ZFHX3: variants seen among roughly 807,000 people sequenced by gnomAD.
ZFHX3 encodes the protein zinc finger homeobox 3, also known as zinc finger homeobox protein 3.
Under a neutral mutation model 279.1 loss-of-function variants are expected in ZFHX3, and 42 were observed. The ratio of observed to expected loss-of-function variants is 0.15; its 90% CI spans 0.12 to 0.19. ZFHX3 has a LOEUF of 0.19. Among genes scored for constraint, ZFHX3 ranks in the 10% least tolerant of loss-of-function variants. The pLI is 1.00. For missense variants in ZFHX3, 4,981 were observed against 4,754.0 expected, an observed-to-expected ratio of 1.05 and a Z score of -1.40; for synonymous variants, 2,293 against 1,957.8, an observed-to-expected ratio of 1.17 and a Z score of -4.52.
chr16:72,933,224 C>T (rs1271817356), intron 3 of ZFHX3, among the ~76,000 whole-genome samples: 1 of 152,244 alleles, frequency 6.6e-6, no homozygotes, highest in Non-Finnish European at 1.5e-5. Context: ...TATGTTACTA[C>T]CTCTAGTGAA....
intron 2 of ZFHX3, among the ~76,000 whole-genome samples, chr16:73,666,430 C>T (rs2052843119): frequency 2.0e-5 from 3 of 151,774 alleles, no homozygotes; most frequent in Non-Finnish European, 2.9e-5. Context: ...TTGGCCATCT[C>T]CACAAAAATA....
intron 2 of ZFHX3, among the ~76,000 whole-genome samples, chr16:73,628,447 G>C (rs1299568077): frequency 6.6e-6 from 1 of 152,154 alleles, no homozygotes; most frequent in Non-Finnish European, 1.5e-5. Flanking sequence ...TCCTAAATAA[G>C]ATTTCTTCAC....
intron 7 of ZFHX3, among the ~76,000 whole-genome samples, chr16:73,105,807 C>T (rs1029709415): frequency 1.3e-5 from 2 of 152,144 alleles, no homozygotes; most frequent in Admixed American, 6.6e-5. Flanking sequence ...AAACATTTCA[C>T]TGCAATGGCT....
Position 73,459,304 on chromosome 16 carries a change from C to T in ZFHX3, c.-1546-3046G>A, listed in dbSNP as rs528872639. On this transcript the variant is annotated intron_variant, in intron 2 of 17. Transcript: ENST00000641206. Reference sequence around the variant, plus strand: ...TCTGTATTAGTCCATTTTCATACTGCGATAAAGAACTGCCTGAGACTAGGT... The same window carrying T: ...TCTGTATTAGTCCATTTTCATACTGTGATAAAGAACTGCCTGAGACTAGGT... Among the ~76,000 whole-genome samples, 279 of 152,100 alleles carry T rather than the reference C, an allele frequency of 1.8e-3. 1 individual carries two copies. The highest frequency in any genetic ancestry group is 6.3e-3 in the African/African-American group (260 of 41,492).
At chr16:73,533,461 C>G (rs913967943) in intron 2 of ZFHX3, among the ~76,000 whole-genome samples, 2 of 150,850 alleles carry the variant, frequency 1.3e-5, no homozygotes, top group Non-Finnish European at 1.5e-5. Flanking sequence ...CTTGCATCAT[C>G]ACTAATTCTC....
At chr16:73,101,913 CTTT>C (rs34658877) in intron 7 of ZFHX3, among the ~76,000 whole-genome samples, 10 of 116,514 alleles carry the variant, frequency 8.6e-5, no homozygotes, top group Non-Finnish European at 5.1e-5. Flanking sequence ...ATTCTCACCT[CTTT>C]TTTTTTTTTT....
At chr16:73,531,257 A>G (rs9939568) in intron 2 of ZFHX3, among the ~76,000 whole-genome samples, 6,494 of 152,220 alleles carry the variant, frequency 0.043, 400 homozygotes, top group African/African-American at 0.14. Flanking sequence ...GTATGTCCAG[A>G]TGATTCTCTT....
intron 2 of ZFHX3, among the ~76,000 whole-genome samples, chr16:73,649,597 TTAA>T (rs2052652090): frequency 6.6e-6 from 1 of 152,226 alleles, no homozygotes; most frequent in South Asian, 2.1e-4. Flanking sequence ...TTAAAAAATT[TTAA>T]TAAACTCGTT....
chr16:73,421,099 T>G (rs906240223), intron 3 of ZFHX3: 1 of 152,228 alleles, frequency 6.6e-6, no homozygotes, highest in Non-Finnish European at 1.5e-5. Flanking sequence ...ACATGCCAGT[T>G]GATACCACAG....
intron 1 of ZFHX3, among the ~76,000 whole-genome samples, chr16:73,837,163 G>A (rs1217717656): frequency 6.6e-6 from 1 of 152,190 alleles, no homozygotes; most frequent in Non-Finnish European, 1.5e-5. Flanking sequence ...GTCTAGGAAT[G>A]ACAATGATGA....
chr16:73,461,295 T>C (rs2018466520), intron 2 of ZFHX3, among the ~76,000 whole-genome samples: 1 of 152,246 alleles, frequency 6.6e-6, no homozygotes, highest in South Asian at 2.1e-4. Context: ...TTATATAGTC[T>C]AAATACTAGT....
intron 5 of ZFHX3, among the ~76,000 whole-genome samples, chr16:73,198,727 C>T (rs958951815): frequency 1.9e-4 from 29 of 152,292 alleles, no homozygotes; most frequent in East Asian, 9.6e-4. Flanking sequence ...ATGTTGGAAG[C>T]GAAGGGCTTC....
chr16:72,796,721 G>A lies in ZFHX3; in HGVS notation c.5961C>T (p.Ser1987=). Residue 1987 remains serine, a synonymous_variant, in exon 9 of 10, where the codon TCC becomes TCT. Coordinates refer to ENST00000268489, the MANE Select transcript of ZFHX3 (RefSeq NM_006885.4). ...GENLEKLECD[S]CGKLFSNILI... is the part of the protein sequence containing the mutation. ...AGATGTTGGAAAACAACTTGCCGCA[G>A]GAGTCACACTCGAGCTTTTCCAGGT... The A allele has an allele frequency of 6.2e-7, 1 of 1,613,854 alleles. No individual in the cohort carries two copies. The highest frequency in any genetic ancestry group is 8.5e-7 in the Non-Finnish European group (1 of 1,179,982).
At chr16:73,388,919 C>T (rs1475769560) in intron 3 of ZFHX3, 1 of 152,224 alleles carries the variant, frequency 6.6e-6, no homozygotes, top group Admixed American at 6.5e-5. Flanking sequence ...CTTTACATCA[C>T]GACGACAGAA....
chr16:73,685,333 A>C (rs950056399), intron 1 of ZFHX3, among the ~76,000 whole-genome samples: 1 of 152,198 alleles, frequency 6.6e-6, no homozygotes, highest in African/African-American at 2.4e-5. Flanking sequence ...GTCTTTTAAA[A>C]ATGTAAGAGG....
intron 1 of ZFHX3, among the ~76,000 whole-genome samples, chr16:73,833,523 A>G (rs1195565580): frequency 1.3e-5 from 2 of 151,986 alleles, no homozygotes; most frequent in African/African-American, 2.4e-5. Flanking sequence ...CAAACACCGC[A>G]TGTTCTCACT....
intron 1 of ZFHX3, among the ~76,000 whole-genome samples, chr16:73,692,677 G>C (rs2053160811): frequency 6.6e-6 from 1 of 152,158 alleles, no homozygotes; most frequent in African/African-American, 2.4e-5. Context: ...CGATACGTTA[G>C]AGTTCACGAT....
chr16:73,623,108 C>G (rs1272658515), intron 2 of ZFHX3, among the ~76,000 whole-genome samples: 1 of 151,724 alleles, frequency 6.6e-6, no homozygotes, highest in Non-Finnish European at 1.5e-5. Flanking sequence ...GCTATCTCGG[C>G]TCACTGCAAG....
intron 1 of ZFHX3, among the ~76,000 whole-genome samples, chr16:73,054,861 G>T (rs565971331): frequency 1.3e-5 from 2 of 152,226 alleles, no homozygotes; most frequent in African/African-American, 4.8e-5. Context: ...ATAACATATT[G>T]TGTAACTGCA....
Sources: allele counts gnomAD v4.1 joint callset (sites outside exome capture counted in the v4.1 genomes callset), GRCh38; gene constraint gnomAD v4.1.1; transcripts MANE v1.5; gene names NCBI Gene and HGNC (gene_info 2026-07-23, HGNC 2026-07-21).